Variants in TAB2 observed in about 807,000 individuals in gnomAD.
TAB2 encodes TGF-beta activated kinase 1 (MAP3K7) binding protein 2, also known as TGF-beta-activated kinase 1 and MAP3K7-binding protein 2.
In TAB2, 3 loss-of-function variants were observed where a neutral mutation model predicts 65.0. The observed-to-expected ratio is 0.05, with a 90% CI of 0.02 to 0.12. The LOEUF is 0.12. Among genes scored for constraint, TAB2 ranks in the 10% least tolerant of loss-of-function variants. The pLI is 1.00. For missense variants in TAB2, 623 were observed against 840.3 expected, an observed-to-expected ratio of 0.74 and a Z score of 3.20; for synonymous variants, 298 against 285.1, an observed-to-expected ratio of 1.05 and a Z score of -0.46.
At chr6:149,275,215 G>A (rs1476854061) in intron 1 of TAB2, among the ~76,000 whole-genome samples, 9 of 109,982 alleles carry the variant, frequency 8.2e-5, no homozygotes, top group African/African-American at 1.2e-4. Flanking sequence ...TCCCTTGGGC[G>A]GGGGAGGGGG....
At chr6:149,223,065 T>C (rs867953147) in intron 1 of TAB2, among the ~76,000 whole-genome samples, 1 of 151,900 alleles carries the variant, frequency 6.6e-6, no homozygotes, top group Non-Finnish European at 1.5e-5. Context: ...AAAAAAATTC[T>C]TTTTTGTTAA....
At chr6:149,252,528 T>C (rs1583047422) in intron 1 of TAB2, among the ~76,000 whole-genome samples, 1 of 152,202 alleles carries the variant, frequency 6.6e-6, no homozygotes, top group African/African-American at 2.4e-5. Context: ...TTAATGCTTA[T>C]CCATCCCTAT....
At chr6:149,356,448 G>A (rs918227750) in intron 1 of TAB2, among the ~76,000 whole-genome samples, 3 of 152,220 alleles carry the variant, frequency 2.0e-5, no homozygotes, top group African/African-American at 7.2e-5. Context: ...AACAGCAGAA[G>A]TTTATTTCTT....
chr6:149,304,050 C>A (rs1460578247), intron 1 of TAB2: 2 of 152,244 alleles, frequency 1.3e-5, no homozygotes, highest in South Asian at 4.1e-4. Context: ...GTTTAAACAA[C>A]CTCTGCAGTT....
At chr6:149,269,750 C>T (rs142785549) in intron 1 of TAB2, among the ~76,000 whole-genome samples, 3 of 152,254 alleles carry the variant, frequency 2.0e-5, no homozygotes, top group African/African-American at 2.4e-5. Flanking sequence ...TGAGATATAG[C>T]CATGTTGTTG....
At chr6:149,337,972 G>A (rs1779985119) in intron 1 of TAB2, among the ~76,000 whole-genome samples, 1 of 152,128 alleles carries the variant, frequency 6.6e-6, no homozygotes, top group South Asian at 2.1e-4. Context: ...AGAGTATCAG[G>A]AAGAAAGTTA....
At chr6:149,261,733 A>G (rs1778157115) in intron 1 of TAB2, among the ~76,000 whole-genome samples, 1 of 152,266 alleles carries the variant, frequency 6.6e-6, no homozygotes, top group Non-Finnish European at 1.5e-5. Context: ...ACGAGGGATC[A>G]TGTCTCCTCT....
intron 3 of TAB2, among the ~76,000 whole-genome samples, chr6:149,395,001 T>C (rs1245099983): frequency 6.6e-6 from 1 of 152,270 alleles, no homozygotes; most frequent in Non-Finnish European, 1.5e-5. Context: ...AAACAGGCAG[T>C]GGGCTAGATT....
intron 1 of TAB2, among the ~76,000 whole-genome samples, chr6:149,294,380 G>T (rs140103239): frequency 6.6e-6 from 1 of 152,146 alleles, no homozygotes; most frequent in Non-Finnish European, 1.5e-5. Flanking sequence ...CAATTATATT[G>T]GGTTAAGGTC....
rs771448294 is a variant in TAB2, at chr6:149,409,651, G to A, written c.2014G>A (p.Ala672Thr). 8 of 1,614,002 alleles carry A rather than the reference G, an allele frequency of 5.0e-6. No individual in the cohort carries two copies. Among genetic ancestry groups the A allele is most frequent in the Middle Eastern group, 1.6e-4 (1 of 6,084 alleles). The change falls in exon 7 of 7, where the codon GCC becomes ACC. Residue 672 changes from alanine (A) to threonine (T), a missense_variant. By Grantham distance (58) the Ala-to-Thr change is moderately conservative (BLOSUM62 0). Transcript: ENST00000637181. ...TGAGGGAGCTCAGTGGAATTGTACC[G>A]CCTGTACTTTTTTGAACCATCCAGC... ...DDEGAQWNCT[A>T]CTFLNHPALI...
chr6:149,399,987 C>T (rs35598212), intron 6 of TAB2, among the ~76,000 whole-genome samples: 3,632 of 152,158 alleles, frequency 0.024, 69 homozygotes, highest in South Asian at 0.045. Flanking sequence ...AGAGTATAAC[C>T]AAATATAATC....
intron 1 of TAB2, chr6:149,244,037 T>C (rs1462998980): frequency 1.3e-5 from 2 of 152,210 alleles, no homozygotes; most frequent in East Asian, 1.9e-4. Context: ...ATACAGCCCA[T>C]GATCAAAGAA....
chr6:149,225,306 C>T (rs866761958), intron 1 of TAB2, among the ~76,000 whole-genome samples: 2 of 151,658 alleles, frequency 1.3e-5, no homozygotes, highest in South Asian at 4.2e-4. Flanking sequence ...ATAACTAGAT[C>T]CAATTTGTAC....
chr6:149,292,427 T>C (rs535830205), intron 1 of TAB2, among the ~76,000 whole-genome samples: 1 of 152,214 alleles, frequency 6.6e-6, no homozygotes, highest in Non-Finnish European at 1.5e-5. Flanking sequence ...AGCAACAGAT[T>C]GGCTGTAAAG....
intron 1 of TAB2, among the ~76,000 whole-genome samples, chr6:149,359,187 A>G (rs951926241): frequency 6.6e-6 from 1 of 151,982 alleles, no homozygotes; most frequent in Admixed American, 6.6e-5. Context: ...ACATGAGCTC[A>G]TTTTCAACAT....
intron 1 of TAB2, among the ~76,000 whole-genome samples, chr6:149,299,819 G>A (rs1203226881): frequency 1.3e-5 from 2 of 151,482 alleles, no homozygotes; most frequent in Non-Finnish European, 2.9e-5. Flanking sequence ...GACTGGCCTG[G>A]GCAACATAGC....
At chr6:149,333,715 G>T (rs1456593725) in intron 1 of TAB2, among the ~76,000 whole-genome samples, 1 of 137,884 alleles carries the variant, frequency 7.3e-6, no homozygotes, top group Non-Finnish European at 1.5e-5. Context: ...CATAGTGTGT[G>T]TGTGTGTGTG....
intron 1 of TAB2, among the ~76,000 whole-genome samples, chr6:149,333,843 C>G (rs1779856183): frequency 6.6e-6 from 1 of 151,286 alleles, no homozygotes; most frequent in Non-Finnish European, 1.5e-5. Flanking sequence ...TTGTTGACAC[C>G]AACATAGTAA....
At chr6:149,240,047 GC>G (rs1777569467) in intron 1 of TAB2, among the ~76,000 whole-genome samples, 1 of 152,218 alleles carries the variant, frequency 6.6e-6, no homozygotes, top group African/African-American at 2.4e-5. Context: ...GAAAGCAGCA[GC>G]AGGAGTTTCA....
Sources: gnomAD v4.1 joint callset for allele counts (sites outside exome capture counted in the v4.1 genomes callset) on GRCh38, gnomAD v4.1.1 for gene constraint, MANE v1.5 for transcripts, NCBI Gene and HGNC (gene_info 2026-07-23, HGNC 2026-07-21) for gene names.